The following MEGF11 variants were observed in gnomAD, a reference collection of about 807,000 sequenced individuals.
MEGF11 encodes multiple epidermal growth factor-like domains protein 11.
In MEGF11, 126 loss-of-function variants were observed where a neutral mutation model predicts 146.6. That is an observed-to-expected ratio of 0.86 (90% CI 0.74 to 1.00). The LOEUF (loss-of-function observed/expected upper bound fraction) is 1.00. MEGF11 is among the 50% of genes least tolerant of loss of function. The pLI, the probability that MEGF11 is intolerant of heterozygous loss-of-function variation, is 0.00. For synonymous variants in MEGF11, 532 were observed against 583.4 expected (o/e 0.91, Z 1.27); for missense variants, 1,509 against 1,521.2 (o/e 0.99, Z 0.13).
At chr15:66,088,862 A>G (rs1043781100) in intron 5 of MEGF11, among the ~76,000 whole-genome samples, 1 of 152,218 alleles carries the variant, frequency 6.6e-6, no homozygotes, top group African/African-American at 2.4e-5. Context: ...GTTAGTGTTC[A>G]GTGAGGACAG....
At chr15:66,216,937 T>A (rs1281750335) in intron 1 of MEGF11, among the ~76,000 whole-genome samples, 1 of 152,260 alleles carries the variant, frequency 6.6e-6, no homozygotes, top group African/African-American at 2.4e-5. Context: ...TTCAAAGGCT[T>A]GGCCCTCTTG....
At chr15:66,153,909 C>T (rs1251846543) in intron 1 of MEGF11, among the ~76,000 whole-genome samples, 4 of 152,200 alleles carry the variant, frequency 2.6e-5, no homozygotes, top group Non-Finnish European at 5.9e-5. Context: ...AACAGTGGGC[C>T]CTCCCCAAAT....
chr15:66,003,742 G>C (rs558657531), intron 5 of MEGF11, among the ~76,000 whole-genome samples: 2 of 152,092 alleles, frequency 1.3e-5, no homozygotes, highest in African/African-American at 2.4e-5. Flanking sequence ...GGTGCATGAC[G>C]GCCTGGCATT....
chr15:66,033,531 C>T (rs2083610816), intron 5 of MEGF11, among the ~76,000 whole-genome samples: 1 of 152,222 alleles, frequency 6.6e-6, no homozygotes, highest in Admixed American at 6.5e-5. Context: ...GGTACTGACT[C>T]TGCAGGTATG....
chr15:65,950,382 C>T (rs374596370), intron 10 of MEGF11, among the ~76,000 whole-genome samples: 2 of 152,142 alleles, frequency 1.3e-5, no homozygotes, highest in South Asian at 2.1e-4. Context: ...GCCAGGAATT[C>T]GAGACCAGCC....
At position 65,895,529 on chromosome 15, in the gene MEGF11, A is replaced by G. The variant is rs1445919021; in HGVS notation, c.*2405T>C. The G allele has an allele frequency of 1.3e-5, 2 of 152,660 alleles. No homozygotes were observed. The highest frequency in any genetic ancestry group is 4.8e-5 in the African/African-American group (2 of 41,472). 9.5% of individuals were successfully genotyped at this position (152,660 alleles called of 1,614,324 possible). On this transcript the variant is annotated 3_prime_UTR_variant, in exon 26 of 26. Coordinates refer to ENST00000395614, the MANE Select transcript of MEGF11 (RefSeq NM_001385028.1). ...TCTTTCAAAGTCACCCATAAAATGC[A>G]CAGTATACATGTTTAGGCTGACCAT...
chr15:66,107,054 A>AT (rs1555471313), intron 4 of MEGF11, among the ~76,000 whole-genome samples: 195 of 132,510 alleles, frequency 1.5e-3, no homozygotes, highest in Middle Eastern at 4.0e-3. Context: ...TTATATTCCT[A>AT]CCCCCCCACC....
At chr15:65,998,783 A>G (rs1271808926) in intron 5 of MEGF11, among the ~76,000 whole-genome samples, 1 of 152,116 alleles carries the variant, frequency 6.6e-6, no homozygotes. Context: ...CCAGCACTTG[A>G]GCAAATGGTG....
chr15:66,084,420 C>T (rs573268923), intron 5 of MEGF11, among the ~76,000 whole-genome samples: 20 of 152,278 alleles, frequency 1.3e-4, no homozygotes, highest in Non-Finnish European at 2.9e-5. Flanking sequence ...CGAGAGGAAC[C>T]ACAGACCCTC....
chr15:65,958,433 T>C (rs2080736393), intron 9 of MEGF11, among the ~76,000 whole-genome samples: 1 of 149,396 alleles, frequency 6.7e-6, no homozygotes, highest in African/African-American at 2.6e-5. Context: ...CAATAGCCAA[T>C]GTCTATTCAT....
At chr15:66,169,784 G>A (rs1597132861) in intron 1 of MEGF11, among the ~76,000 whole-genome samples, 1 of 152,130 alleles carries the variant, frequency 6.6e-6, no homozygotes, top group Non-Finnish European at 1.5e-5. Flanking sequence ...GACGGCCAGC[G>A]CTGCTGGGTT....
chr15:65,962,675 TA>T (rs995910983), intron 9 of MEGF11, among the ~76,000 whole-genome samples: 6 of 152,236 alleles, frequency 3.9e-5, no homozygotes, highest in African/African-American at 1.4e-4. Flanking sequence ...ATGGGCTGTT[TA>T]AGATGAGTTC....
intron 1 of MEGF11, among the ~76,000 whole-genome samples, chr15:66,189,946 A>T (rs2090826077): frequency 2.0e-5 from 3 of 152,112 alleles, no homozygotes; most frequent in African/African-American, 7.2e-5. Flanking sequence ...GTACCACTGC[A>T]CTCCAGCCTG....
intron 2 of MEGF11, among the ~76,000 whole-genome samples, chr15:66,126,877 T>C (rs1367113068): frequency 1.3e-5 from 2 of 152,226 alleles, no homozygotes; most frequent in African/African-American, 4.8e-5. Flanking sequence ...AGAAAGCTTA[T>C]GAAAAATGCA....
At chr15:65,960,864 A>G (rs1361958853) in intron 9 of MEGF11, among the ~76,000 whole-genome samples, 1 of 152,156 alleles carries the variant, frequency 6.6e-6, no homozygotes, top group African/African-American at 2.4e-5. Context: ...CTCTGCTGCC[A>G]TCACTTTGGC....
At chr15:66,182,708 CT>C (rs1298540564) in intron 1 of MEGF11, among the ~76,000 whole-genome samples, 6 of 152,226 alleles carry the variant, frequency 3.9e-5, no homozygotes, top group Non-Finnish European at 8.8e-5. Context: ...GAAAACATAA[CT>C]ATTCAGATCT....
At chr15:66,166,339 C>T (rs550115287) in intron 1 of MEGF11, among the ~76,000 whole-genome samples, 3 of 152,246 alleles carry the variant, frequency 2.0e-5, no homozygotes, top group South Asian at 2.1e-4. Context: ...CTCCAACATG[C>T]GTCCAGAATC....
intron 10 of MEGF11, among the ~76,000 whole-genome samples, chr15:65,943,952 G>C (rs2080098782): frequency 6.6e-6 from 1 of 152,328 alleles, no homozygotes; most frequent in South Asian, 2.1e-4. Flanking sequence ...AATAGTGATG[G>C]TGACAGTGTC....
intron 5 of MEGF11, among the ~76,000 whole-genome samples, chr15:65,999,423 T>C (rs998064672): frequency 4.1e-5 from 6 of 145,420 alleles, no homozygotes; most frequent in African/African-American, 1.7e-4. Flanking sequence ...CTCAGATTAA[T>C]GCTTCCTCCT....
Sources: allele counts gnomAD v4.1 joint callset (sites outside exome capture counted in the v4.1 genomes callset), GRCh38; gene constraint gnomAD v4.1.1; transcripts MANE v1.5; gene names NCBI Gene and HGNC (gene_info 2026-07-23, HGNC 2026-07-21).